RASSF3: variants seen among roughly 807,000 people sequenced by gnomAD.
RASSF3 encodes the protein ras association domain-containing protein 3.
In RASSF3, 19 loss-of-function variants were observed where a neutral mutation model predicts 19.9. The ratio of observed to expected loss-of-function variants is 0.96; its 90% CI spans 0.67 to 1.40. RASSF3 has a LOEUF of 1.40. Ranked by LOEUF, RASSF3 falls within the 40% of genes most tolerant of loss-of-function variation. The pLI is 0.00. For synonymous variants in RASSF3, 110 were observed against 104.2 expected (o/e 1.06, Z -0.34); for missense variants, 306 against 289.8 (o/e 1.06, Z -0.41).
chr12:64,511,459 G>T (rs1311478128), intron 1 of RASSF3, among the ~76,000 whole-genome samples: 2 of 150,904 alleles, frequency 1.3e-5, no homozygotes, highest in Non-Finnish European at 2.9e-5. Flanking sequence ...TCCAGCCTGG[G>T]CAATAGAGCA....
intron 2 of RASSF3, among the ~76,000 whole-genome samples, chr12:64,562,222 G>A (rs1435132714): frequency 1.3e-5 from 2 of 151,944 alleles, no homozygotes; most frequent in Admixed American, 1.3e-4. Flanking sequence ...AGTATTTTTG[G>A]TAGAGACAGA....
chr12:64,575,296 A>G (rs555201301), intron 2 of RASSF3, among the ~76,000 whole-genome samples: 4 of 152,178 alleles, frequency 2.6e-5, no homozygotes, highest in Admixed American at 6.5e-5. Context: ...GCTCATGCCT[A>G]TAATCCCAGC....
chr12:64,550,613 G>A (rs1339376434), intron 2 of RASSF3, among the ~76,000 whole-genome samples: 1 of 151,594 alleles, frequency 6.6e-6, no homozygotes, highest in African/African-American at 2.4e-5. Flanking sequence ...CAAGATTGTG[G>A]CACAGCACTC....
At chr12:64,541,324 A>C (rs1370692689) in intron 1 of RASSF3, among the ~76,000 whole-genome samples, 1 of 152,148 alleles carries the variant, frequency 6.6e-6, no homozygotes, top group Non-Finnish European at 1.5e-5. Flanking sequence ...AAGAAAAAAA[A>C]TGTATCGTAG....
At chr12:64,524,039 A>G (rs17100417) in intron 1 of RASSF3, among the ~76,000 whole-genome samples, 2,771 of 143,064 alleles carry the variant, frequency 0.019, 78 homozygotes, top group African/African-American at 0.066. Flanking sequence ...ACCACTTGCT[A>G]GCTGTACTTG....
rs759506483 is a variant in RASSF3, at chr12:64,667,323, TTTTC to T, written c.112-17448_112-17445del. On this transcript the variant is annotated intron_variant, in intron 1 of 4. Transcript: ENST00000542104. ...TGGTTACTTGGAATGTGTGTGTGTA[TTTTC>T]TTTCTTTCTTTCTTTTTGAGACAGA... Among the ~76,000 whole-genome samples the T allele has an allele frequency of 2.7e-3, 410 of 152,160 alleles. 2 individuals are homozygous for T. Among genetic ancestry groups the T allele is most frequent in the African/African-American group, 9.5e-3 (393 of 41,536 alleles).
intron 1 of RASSF3, among the ~76,000 whole-genome samples, chr12:64,665,472 T>C (rs980323483): frequency 6.6e-6 from 1 of 152,144 alleles, no homozygotes; most frequent in African/African-American, 2.4e-5. Flanking sequence ...TAATAAATAC[T>C]ATTAGTGAGG....
upstream of RASSF3, among the ~76,000 whole-genome samples, chr12:64,608,241 T>C (rs1319958642): frequency 3.9e-5 from 6 of 152,108 alleles, no homozygotes; most frequent in African/African-American, 2.4e-5. Context: ...CTGACAGATA[T>C]ACAAATTAAT....
chr12:64,549,708 G>T (rs901901098), intron 2 of RASSF3, among the ~76,000 whole-genome samples: 4 of 152,136 alleles, frequency 2.6e-5, no homozygotes, highest in African/African-American at 9.7e-5. Context: ...TCTCTCTCCT[G>T]AGCCCCATAA....
At chr12:64,648,176 C>T (rs1411068812) in intron 1 of RASSF3, among the ~76,000 whole-genome samples, 2 of 152,192 alleles carry the variant, frequency 1.3e-5, no homozygotes, top group Non-Finnish European at 2.9e-5. Flanking sequence ...ACATGTGTGA[C>T]AGGCATAAAC....
At position 64,673,431 on chromosome 12, in the gene RASSF3, AT is replaced by A. The variant is rs1206303961; in HGVS notation, c.112-11354del. ...TGTTTGGGGTAGTGTTGTAGATGGT[AT>A]TACTATTTGAAAACTTACTGTTGAA... On this transcript the variant is annotated intron_variant, in intron 1 of 4. Coordinates refer to ENST00000542104, the MANE Select transcript of RASSF3 (RefSeq NM_178169.4). 3.3e-5 allele frequency among the ~76,000 whole-genome samples: 5 copies of A among 152,126 alleles called. No homozygotes were observed. The East Asian group carries it at 9.6e-4, about 29-fold the overall frequency.
At chr12:64,645,499 C>A (rs1005140495) in intron 1 of RASSF3, among the ~76,000 whole-genome samples, 4 of 151,736 alleles carry the variant, frequency 2.6e-5, no homozygotes, top group African/African-American at 4.8e-5. Flanking sequence ...ATAGTGAGAC[C>A]CTGTCTCTAT....
chr12:64,544,892 G>T (rs145462844), downstream of RASSF3, among the ~76,000 whole-genome samples: 4 of 152,310 alleles, frequency 2.6e-5, no homozygotes, highest in Admixed American at 6.5e-5. Flanking sequence ...CTCTTGATCA[G>T]AACAGTAATA....
chr12:64,569,732 G>A (rs137931911), intron 2 of RASSF3, among the ~76,000 whole-genome samples: 5,171 of 152,300 alleles, frequency 0.034, 103 homozygotes, highest in South Asian at 0.04. Flanking sequence ...TTGGGAGGCC[G>A]GGGCGGGCAG....
At chr12:64,566,891 G>A (rs1869440976) in intron 2 of RASSF3, among the ~76,000 whole-genome samples, 1 of 152,186 alleles carries the variant, frequency 6.6e-6, no homozygotes, top group Non-Finnish European at 1.5e-5. Context: ...GTTGCCAGGT[G>A]GGGACCGAGG....
chr12:64,593,047 T>A (rs1288431225), intron 2 of RASSF3, among the ~76,000 whole-genome samples: 1 of 152,162 alleles, frequency 6.6e-6, no homozygotes, highest in African/African-American at 2.4e-5. Context: ...TAGAATTACC[T>A]CATTAAAAAA....
chr12:64,526,195 A>T (rs1019551150), intron 1 of RASSF3, among the ~76,000 whole-genome samples: 1 of 152,204 alleles, frequency 6.6e-6, no homozygotes, highest in African/African-American at 2.4e-5. Context: ...GACAGATAAA[A>T]CTTATATACA....
intron 2 of RASSF3, among the ~76,000 whole-genome samples, chr12:64,571,782 C>T (rs1372172104): frequency 1.3e-5 from 2 of 152,022 alleles, no homozygotes; most frequent in Non-Finnish European, 2.9e-5. Flanking sequence ...AAATTCTGTC[C>T]ATATGGTGTC....
At chr12:64,691,387 A>G in intron 3 of RASSF3, 83 bp from the exon 4 acceptor site, 1 of 910,214 alleles carries the variant, frequency 1.1e-6, no homozygotes, top group Non-Finnish European at 1.8e-6. Context: ...GGTTACCTTG[A>G]TCTGGAGGAG....
Sources: gnomAD v4.1 joint callset for allele counts (sites outside exome capture counted in the v4.1 genomes callset) on GRCh38, gnomAD v4.1.1 for gene constraint, MANE v1.5 for transcripts, NCBI Gene and HGNC (gene_info 2026-07-23, HGNC 2026-07-21) for gene names.